CDC14A: variants seen among roughly 807,000 people sequenced by gnomAD.
CDC14A encodes dual specificity protein phosphatase CDC14A.
In CDC14A, 53 loss-of-function variants were observed where a neutral mutation model predicts 74.4. The ratio of observed to expected loss-of-function variants is 0.71; its 90% CI spans 0.57 to 0.89. CDC14A has a LOEUF of 0.89. CDC14A is among the 40% of genes least tolerant of loss of function. CDC14A has a pLI of 0.00. For missense variants in CDC14A, 646 were observed against 713.7 expected, an observed-to-expected ratio of 0.91 and a Z score of 1.08; for synonymous variants, 247 against 258.4, an observed-to-expected ratio of 0.96 and a Z score of 0.43.
At chr1:100,517,925 A>G (rs1650368180) in intron 15 of CDC14A, among the ~76,000 whole-genome samples, 1 of 152,220 alleles carries the variant, frequency 6.6e-6, no homozygotes, top group South Asian at 2.1e-4. Flanking sequence ...TAATATTGTT[A>G]AGTAAAACTC....
At chr1:100,351,920 G>T, upstream of CDC14A, 2 of 941,902 alleles carry the variant, frequency 2.1e-6, no homozygotes, top group Non-Finnish European at 3.2e-6. Flanking sequence ...GTGGGGGGTG[G>T]CTGAAATGTT....
intron 4 of CDC14A, among the ~76,000 whole-genome samples, chr1:100,396,529 AAT>A (rs1658511456): frequency 6.6e-6 from 1 of 152,242 alleles, no homozygotes; most frequent in Admixed American, 6.5e-5. Context: ...CCTTTACCAG[AAT>A]ATTTGTAGTC....
At chr1:100,511,307 TC>T (rs1021495684) in intron 15 of CDC14A, among the ~76,000 whole-genome samples, 6 of 152,036 alleles carry the variant, frequency 3.9e-5, no homozygotes, top group African/African-American at 7.2e-5. Flanking sequence ...AGCCTGCACT[TC>T]CCCCTCCCTT....
intron 2 of CDC14A, among the ~76,000 whole-genome samples, chr1:100,370,221 C>T (rs938245259): frequency 3.0e-4 from 46 of 151,808 alleles, no homozygotes; most frequent in Admixed American, 1.1e-3. Context: ...GGGGGTCAAG[C>T]GATCGGCCTG....
chr1:100,443,368 T>C (rs1387975012), intron 7 of CDC14A, among the ~76,000 whole-genome samples: 1 of 152,088 alleles, frequency 6.6e-6, no homozygotes, highest in Non-Finnish European at 1.5e-5. Context: ...GGTGTCTAGC[T>C]CTTTTGTCCA....
chr1:100,353,974 A>G, intron 2 of CDC14A, 122 bp downstream of exon 2: 1 of 656,974 alleles, frequency 1.5e-6, no homozygotes, highest in East Asian at 2.8e-5. Context: ...TAACAATATC[A>G]ATTTTTTAAG....
intron 4 of CDC14A, chr1:100,392,956 T>C (rs549494348): frequency 4.4e-5 from 42 of 945,216 alleles, no homozygotes; most frequent in Non-Finnish European, 6.4e-5. Flanking sequence ...GGGAAGTTGC[T>C]GTTGTCCTTA....
intron 7 of CDC14A, among the ~76,000 whole-genome samples, chr1:100,444,716 C>T (rs2101138912): frequency 6.6e-6 from 1 of 152,288 alleles, no homozygotes; most frequent in Admixed American, 6.5e-5. Context: ...TCCCTGCCTT[C>T]AATTTCATGT....
At chr1:100,434,332 T>C (rs1227761574) in intron 5 of CDC14A, among the ~76,000 whole-genome samples, 2 of 152,064 alleles carry the variant, frequency 1.3e-5, no homozygotes, top group African/African-American at 4.8e-5. Context: ...GCAGGTTCTG[T>C]AGGAAGAGCC....
At chr1:100,361,107 A>C (rs1271526671) in intron 2 of CDC14A, among the ~76,000 whole-genome samples, 3 of 152,030 alleles carry the variant, frequency 2.0e-5, no homozygotes, top group African/African-American at 7.2e-5. Context: ...CTTAAAAAAA[A>C]AAAAACAACA....
rs1181639723 is a variant in CDC14A, at chr1:100,491,570, A to AT, written c.1138-3247dup. 7.4e-3 allele frequency among the ~76,000 whole-genome samples: 481 copies of AT among 64,880 alleles called. 12 individuals carry two copies. Among genetic ancestry groups the AT allele is most frequent in the African/African-American group, 0.034 (413 of 12,266 alleles). The allele number at this position is 64,880 out of a possible 152,430, so 42.6% of individuals were successfully genotyped here. On this transcript the variant is annotated intron_variant, in intron 11 of 15. Transcript: ENST00000336454. Reference sequence around the variant, plus strand: ...TCTCTATATATATATATATATATATATATTTTTTTTTTTTTTTTTTTTTTT... The same window carrying AT: ...TCTCTATATATATATATATATATATATTATTTTTTTTTTTTTTTTTTTTTTT...
intron 2 of CDC14A, among the ~76,000 whole-genome samples, chr1:100,355,179 AGT>A (rs1651715843): frequency 4.6e-5 from 7 of 152,284 alleles, no homozygotes; most frequent in Admixed American, 3.3e-4. Context: ...CACTGCCAGC[AGT>A]GTTTATTGAG....
At chr1:100,393,167 T>G in intron 4 of CDC14A, 1 of 1,576,292 alleles carries the variant, frequency 6.3e-7, no homozygotes, top group East Asian at 2.2e-5. Context: ...TTGACTCCAT[T>G]TCTCTCAATT....
chr1:100,420,047 C>CACACACACAT (rs1281760326), intron 4 of CDC14A, among the ~76,000 whole-genome samples: 2 of 39,870 alleles, frequency 5.0e-5, no homozygotes, highest in African/African-American at 8.4e-5. Context: ...CACACACACA[C>CACACACACAT]ACACACACAC....
At chr1:100,479,434 A>C (rs1669237441) in intron 10 of CDC14A, among the ~76,000 whole-genome samples, 1 of 151,988 alleles carries the variant, frequency 6.6e-6, no homozygotes, top group Non-Finnish European at 1.5e-5. Context: ...CCCCGACCCC[A>C]CCTTCTGTGA....
intron 4 of CDC14A, among the ~76,000 whole-genome samples, chr1:100,396,536 G>A (rs573672902): frequency 6.6e-6 from 1 of 152,262 alleles, no homozygotes; most frequent in East Asian, 1.9e-4. Context: ...CAGAATATTT[G>A]TAGTCATGAC....
chr1:100,424,210 T>C lies in CDC14A; in HGVS notation c.310-12T>C, dbSNP rs753516419. ...CTTGGGTGTTCTAAATGTTACTATTTATCTGTCTTAGGTAATCTATTTAAA... is the reference window on the plus strand; with the variant it reads ...CTTGGGTGTTCTAAATGTTACTATTCATCTGTCTTAGGTAATCTATTTAAA... On this transcript the variant is annotated splice_polypyrimidine_tract_variant and intron_variant, in intron 4 of 15. Transcript: ENST00000336454. 3 of 1,595,014 alleles carry C rather than the reference T, an allele frequency of 1.9e-6. No individual in the cohort carries two copies. The highest frequency in any genetic ancestry group is 3.3e-5 in the Admixed American group (2 of 59,930).
At chr1:100,509,116 C>T (rs117426160) in intron 15 of CDC14A, among the ~76,000 whole-genome samples, 1 of 152,174 alleles carries the variant, frequency 6.6e-6, no homozygotes, top group East Asian at 1.9e-4. Context: ...GTGCATGGCT[C>T]CTCCTACCTC....
chr1:100,484,876 T>A (rs543387428), intron 11 of CDC14A: 143 of 973,146 alleles, frequency 1.5e-4, no homozygotes, highest in Middle Eastern at 5.3e-4. Context: ...GGCACTTTTT[T>A]AAAAAAAAAT....
Sources: gnomAD v4.1 joint callset for allele counts (sites outside exome capture counted in the v4.1 genomes callset) on GRCh38, gnomAD v4.1.1 for gene constraint, MANE v1.5 for transcripts, NCBI Gene and HGNC (gene_info 2026-07-23, HGNC 2026-07-21) for gene names.